The following NRXN1 variants were observed in gnomAD, a reference collection of about 807,000 sequenced individuals.
NRXN1 encodes the protein neurexin 1, also known as neurexin-1.
Under a neutral mutation model 150.9 loss-of-function variants are expected in NRXN1, and 39 were observed. The observed-to-expected ratio is 0.26, with a 90% CI of 0.20 to 0.34. The LOEUF (loss-of-function observed/expected upper bound fraction) is 0.34, where lower values mean the gene tolerates loss of function less well. Ranked by LOEUF, NRXN1 falls within the 10% of genes least tolerant of loss-of-function variation. The pLI is 1.00. For missense variants in NRXN1, 1,815 were observed against 1,949.9 expected (o/e 0.93, Z 1.30); for synonymous variants, 924 against 757.0 (o/e 1.22, Z -3.62).
chr2:50,159,784 G>T (rs980231590), intron 18 of NRXN1, among the ~76,000 whole-genome samples: 1 of 151,960 alleles, frequency 6.6e-6, no homozygotes, highest in Non-Finnish European at 1.5e-5. Context: ...ATGTTCCAAT[G>T]ATATGGAATA....
intron 18 of NRXN1, among the ~76,000 whole-genome samples, chr2:50,107,539 A>T (rs201316657): frequency 0.011 from 1,431 of 129,864 alleles, 12 homozygotes; most frequent in East Asian, 0.028. Flanking sequence ...ATATATATAT[A>T]TTTTTTTTTT....
chr2:50,892,965 C>T (rs1232520195), intron 5 of NRXN1, among the ~76,000 whole-genome samples: 1 of 152,106 alleles, frequency 6.6e-6, no homozygotes, highest in Non-Finnish European at 1.5e-5. Flanking sequence ...ATGGCGTGGT[C>T]AAGGGAGGGC....
At chr2:50,261,969 T>C (rs1002778768) in intron 17 of NRXN1, among the ~76,000 whole-genome samples, 2 of 151,828 alleles carry the variant, frequency 1.3e-5, no homozygotes, top group African/African-American at 4.8e-5. Context: ...TTCCAGGTAA[T>C]TTATATGGGC....
At chr2:50,033,274 C>CA (rs1231592807) in intron 21 of NRXN1, among the ~76,000 whole-genome samples, 6 of 152,002 alleles carry the variant, frequency 3.9e-5, no homozygotes, top group Non-Finnish European at 8.8e-5. Context: ...GGTACAAAAA[C>CA]AGACACATGG....
At chr2:50,430,603 C>G (rs980325715) in intron 17 of NRXN1, among the ~76,000 whole-genome samples, 2 of 152,130 alleles carry the variant, frequency 1.3e-5, no homozygotes, top group Non-Finnish European at 2.9e-5. Flanking sequence ...AGCCCTGTAC[C>G]AGGCCCCAAA....
At chr2:50,007,153 G>T (rs1248915511) in intron 21 of NRXN1, among the ~76,000 whole-genome samples, 2 of 151,940 alleles carry the variant, frequency 1.3e-5, no homozygotes, top group African/African-American at 4.8e-5. Context: ...GACCAGCCTG[G>T]ATAACAAAGC....
intron 20 of NRXN1, 100 bp from the exon 21 acceptor site, chr2:50,053,690 C>G: frequency 8.3e-7 from 1 of 1,203,802 alleles, no homozygotes; most frequent in Non-Finnish European, 1.2e-6. Context: ...ATAATGAGAG[C>G]AATAAACTAT....
At chr2:50,298,177 A>ATTG (rs1332113454) in intron 17 of NRXN1, among the ~76,000 whole-genome samples, 57 of 152,252 alleles carry the variant, frequency 3.7e-4, no homozygotes, top group African/African-American at 1.3e-3. Context: ...AAACAGTTGC[A>ATTG]CCTCTTCTTG....
chr2:50,311,569 A>T (rs188646577), intron 17 of NRXN1, among the ~76,000 whole-genome samples: 12 of 152,282 alleles, frequency 7.9e-5, no homozygotes, highest in Middle Eastern at 3.4e-3. Context: ...GGTGGAATGT[A>T]TAATACATTG....
At chr2:50,509,789 T>A (rs2092380275) in intron 12 of NRXN1, among the ~76,000 whole-genome samples, 1 of 152,222 alleles carries the variant, frequency 6.6e-6, no homozygotes, top group Non-Finnish European at 1.5e-5. Context: ...TCTTTCTCCC[T>A]GCATCAATGT....
chr2:50,121,648 G>C (rs541816105), intron 18 of NRXN1, among the ~76,000 whole-genome samples: 6 of 152,306 alleles, frequency 3.9e-5, no homozygotes, highest in Admixed American at 1.3e-4. Context: ...CACAATAAAA[G>C]TCTTTCAACC....
chr2:50,988,601 T>C (rs1375482450), intron 2 of NRXN1, among the ~76,000 whole-genome samples: 2 of 151,968 alleles, frequency 1.3e-5, no homozygotes, highest in East Asian at 1.9e-4. Flanking sequence ...TAAATTCTTA[T>C]TACCCTTAGG....
At chr2:50,794,381 C>G (rs1295109060) in intron 5 of NRXN1, among the ~76,000 whole-genome samples, 3 of 152,000 alleles carry the variant, frequency 2.0e-5, no homozygotes, top group Non-Finnish European at 2.9e-5. Context: ...TATCATACTG[C>G]TTTAGATGGG....
At chr2:50,330,466 T>C (rs554084460) in intron 17 of NRXN1, among the ~76,000 whole-genome samples, 1 of 152,276 alleles carries the variant, frequency 6.6e-6, no homozygotes, top group African/African-American at 2.4e-5. Context: ...CACGTCCTTT[T>C]GCTTTAACCT....
intron 2 of NRXN1, among the ~76,000 whole-genome samples, chr2:51,011,317 AG>A (rs1316452153): frequency 3.3e-5 from 5 of 152,022 alleles, no homozygotes; most frequent in African/African-American, 1.2e-4. Flanking sequence ...AGACTCTGGT[AG>A]CTCTTACGTA....
At chr2:50,026,293 T>C (rs914491191) in intron 21 of NRXN1, among the ~76,000 whole-genome samples, 53 of 152,228 alleles carry the variant, frequency 3.5e-4, no homozygotes, top group Non-Finnish European at 6.2e-4. Flanking sequence ...AGAATTTTTC[T>C]TTAGCAACTT....
chr2:50,363,804 C>T (rs1425031752), intron 17 of NRXN1, among the ~76,000 whole-genome samples: 4 of 152,100 alleles, frequency 2.6e-5, no homozygotes, highest in African/African-American at 9.7e-5. Context: ...ATGTTTATTG[C>T]AACACTATTC....
At chr2:50,965,138 A>G (rs540497306) in intron 2 of NRXN1, among the ~76,000 whole-genome samples, 1 of 151,452 alleles carries the variant, frequency 6.6e-6, no homozygotes, top group East Asian at 1.9e-4. Flanking sequence ...TTATAACATC[A>G]CAATTGATTA....
intron 5 of NRXN1, among the ~76,000 whole-genome samples, chr2:50,901,262 A>G (rs183423526): frequency 1.3e-5 from 2 of 152,208 alleles, no homozygotes; most frequent in Admixed American, 6.5e-5. Flanking sequence ...GAGGCTGGGC[A>G]CGGTGGCTCA....
Sources: gnomAD v4.1 joint callset for allele counts (sites outside exome capture counted in the v4.1 genomes callset) on GRCh38, gnomAD v4.1.1 for gene constraint, MANE v1.5 for transcripts, NCBI Gene and HGNC (gene_info 2026-07-23, HGNC 2026-07-21) for gene names.